The following SLC24A2 variants were observed in gnomAD, a reference collection of about 807,000 sequenced individuals.
SLC24A2 encodes solute carrier family 24 member 2.
In SLC24A2, 36 loss-of-function variants were observed where a neutral mutation model predicts 62.0. That is an observed-to-expected ratio of 0.58 (90% confidence interval 0.44 to 0.77). The LOEUF (loss-of-function observed/expected upper bound fraction) is 0.77. SLC24A2 is among the 30% of genes least tolerant of loss of function. The pLI, the probability that SLC24A2 is intolerant of heterozygous loss-of-function variation, is 0.00. For synonymous variants in SLC24A2, 358 were observed against 294.0 expected (o/e 1.22, Z -2.23); for missense variants, 846 against 817.9 (o/e 1.03, Z -0.42).
the SLC24A2 span, among the ~76,000 whole-genome samples, chr9:20,295,234 G>C: frequency 6.6e-6 from 1 of 152,030 alleles, no homozygotes; most frequent in Admixed American, 6.6e-5. Flanking sequence ...AATCCTGAAA[G>C]ATTAAAATAC....
chr9:19,795,833 C>T, the SLC24A2 span, among the ~76,000 whole-genome samples: 5 of 151,940 alleles, frequency 3.3e-5, no homozygotes, highest in East Asian at 1.9e-4. Context: ...TGTAACTATG[C>T]GGCACTATTC....
intron 2 of SLC24A2, among the ~76,000 whole-genome samples, chr9:19,656,638 A>G (rs1419219381): frequency 6.6e-6 from 1 of 152,174 alleles, no homozygotes; most frequent in Non-Finnish European, 1.5e-5. Flanking sequence ...AGCACCACAG[A>G]CAAGACTCAT....
intron 2 of SLC24A2, among the ~76,000 whole-genome samples, chr9:19,726,035 C>G (rs1012835283): frequency 6.6e-6 from 1 of 152,176 alleles, no homozygotes; most frequent in Admixed American, 6.5e-5. Flanking sequence ...AACACTGTGA[C>G]CTCCTGATTC....
intron 8 of SLC24A2, among the ~76,000 whole-genome samples, chr9:19,530,899 C>T (rs1833676868): frequency 6.6e-6 from 1 of 152,184 alleles, no homozygotes; most frequent in Non-Finnish European, 1.5e-5. Context: ...CTAGGTCAGC[C>T]TGACTGTACC....
the SLC24A2 span, among the ~76,000 whole-genome samples, chr9:20,121,913 G>A: frequency 6.6e-6 from 1 of 151,972 alleles, no homozygotes. Context: ...AGCTTTACAC[G>A]TAGCATGCAT....
At chr9:19,617,719 A>AG (rs1256460641) in intron 4 of SLC24A2, among the ~76,000 whole-genome samples, 1 of 152,184 alleles carries the variant, frequency 6.6e-6, no homozygotes, top group Admixed American at 6.5e-5. Context: ...CCTGACTTTG[A>AG]GGGGGGCTCC....
At chr9:20,234,170 C>G in the SLC24A2 span, among the ~76,000 whole-genome samples, 2 of 151,596 alleles carry the variant, frequency 1.3e-5, no homozygotes, top group Admixed American at 6.6e-5. Context: ...TTTTTTCCTT[C>G]ATTTCAACTT....
the SLC24A2 span, among the ~76,000 whole-genome samples, chr9:20,198,318 G>A: frequency 1.1e-4 from 16 of 152,334 alleles, no homozygotes; most frequent in African/African-American, 3.8e-4. Flanking sequence ...GGAGGCGGGT[G>A]GCTGCCTGCC....
At chr9:19,646,710 A>G (rs913784360) in intron 2 of SLC24A2, among the ~76,000 whole-genome samples, 3 of 152,152 alleles carry the variant, frequency 2.0e-5, no homozygotes, top group African/African-American at 7.2e-5. Flanking sequence ...CTCTTCCCAC[A>G]ATATTACTTC....
the SLC24A2 span, among the ~76,000 whole-genome samples, chr9:20,206,864 TA>T: frequency 1.4e-4 from 13 of 92,528 alleles, no homozygotes; most frequent in South Asian, 5.3e-4. Flanking sequence ...ATAACCCTCA[TA>T]AAAAAAAAAC....
chr9:20,201,030 C>G, the SLC24A2 span, among the ~76,000 whole-genome samples: 1 of 152,146 alleles, frequency 6.6e-6, no homozygotes, highest in African/African-American at 2.4e-5. Context: ...GTGGCAGAGT[C>G]CAGTTTGCAT....
At chr9:19,769,306 T>C (rs1736600660) in intron 2 of SLC24A2, among the ~76,000 whole-genome samples, 1 of 152,172 alleles carries the variant, frequency 6.6e-6, no homozygotes, top group Admixed American at 6.5e-5. Flanking sequence ...TTTGATCACT[T>C]CTCACTGCCT....
At chr9:20,029,944 C>T in the SLC24A2 span, among the ~76,000 whole-genome samples, 1 of 152,058 alleles carries the variant, frequency 6.6e-6, no homozygotes, top group African/African-American at 2.4e-5. Context: ...GGTGCTGTGG[C>T]AGCATAGAAA....
At chr9:20,212,837 A>G in the SLC24A2 span, among the ~76,000 whole-genome samples, 453 of 151,936 alleles carry the variant, frequency 3.0e-3, 19 homozygotes, top group African/African-American at 0.011. Flanking sequence ...CTGAAATACA[A>G]ATGTTTTCAA....
chr9:20,168,358 C>G, the SLC24A2 span, among the ~76,000 whole-genome samples: 2 of 150,826 alleles, frequency 1.3e-5, no homozygotes, highest in Non-Finnish European at 3.0e-5. Flanking sequence ...TAACAGGTAA[C>G]GAAATAAAAA....
the SLC24A2 span, among the ~76,000 whole-genome samples, chr9:20,083,510 A>G: frequency 6.6e-6 from 1 of 152,242 alleles, no homozygotes; most frequent in Non-Finnish European, 1.5e-5. Flanking sequence ...TTCGATCCCA[A>G]CAATGTGGCC....
the SLC24A2 span, among the ~76,000 whole-genome samples, chr9:20,176,117 G>T: frequency 6.6e-6 from 1 of 152,008 alleles, no homozygotes; most frequent in Admixed American, 6.6e-5. Context: ...TACCTTAGAG[G>T]CACATGCTAA....
At chr9:20,258,865 T>TATCCATCCATCC in the SLC24A2 span, among the ~76,000 whole-genome samples, 79 of 139,686 alleles carry the variant, frequency 5.7e-4, 1 homozygote, top group Non-Finnish European at 6.1e-4. Flanking sequence ...AATGTCTATC[T>TATCCATCCATCC]ATCCATCCAT....
At chr9:20,111,835 T>C in the SLC24A2 span, among the ~76,000 whole-genome samples, 11 of 152,168 alleles carry the variant, frequency 7.2e-5, no homozygotes, top group African/African-American at 2.7e-4. Flanking sequence ...CTTTCATTAT[T>C]TCAACCAAAA....
Sources: gnomAD v4.1 joint callset for allele counts (sites outside exome capture counted in the v4.1 genomes callset) on GRCh38, gnomAD v4.1.1 for gene constraint, MANE v1.5 for transcripts, NCBI Gene and HGNC (gene_info 2026-07-23, HGNC 2026-07-21) for gene names.